The following GRIA1 variants were observed in gnomAD, a reference collection of about 807,000 sequenced individuals.
GRIA1 encodes glutamate ionotropic receptor AMPA type subunit 1.
A neutral mutation model predicts 99.2 loss-of-function variants in GRIA1; 31 were observed. The observed-to-expected ratio is 0.31, with a 90% CI of 0.23 to 0.42. The LOEUF (loss-of-function observed/expected upper bound fraction) is 0.42. GRIA1 is among the 10% of genes least tolerant of loss of function. The pLI is 1.00. For synonymous variants in GRIA1, 438 were observed against 432.4 expected, an observed-to-expected ratio of 1.01 and a Z score of -0.16; for missense variants, 782 against 1,157.5, an observed-to-expected ratio of 0.68 and a Z score of 4.71.
At chr5:153,713,352 A>G (rs141879835) in intron 11 of GRIA1, among the ~76,000 whole-genome samples, 38 of 152,356 alleles carry the variant, frequency 2.5e-4, no homozygotes, top group African/African-American at 9.1e-4. Context: ...GGACTGGCCC[A>G]GGTGAGGTGA....
chr5:153,639,343 C>G (rs1299383628), intron 2 of GRIA1, among the ~76,000 whole-genome samples: 2 of 152,208 alleles, frequency 1.3e-5, no homozygotes, highest in African/African-American at 2.4e-5. Context: ...ATCTCTTTCT[C>G]CTCACCTGCA....
At chr5:153,795,846 A>G (rs771834415) in intron 14 of GRIA1, among the ~76,000 whole-genome samples, 1 of 152,122 alleles carries the variant, frequency 6.6e-6, no homozygotes, top group Non-Finnish European at 1.5e-5. Flanking sequence ...GAAGCAAACC[A>G]GTGAGGAGTT....
chr5:153,705,699 A>AGT lies in GRIA1; in HGVS notation c.1456_1457insTG (p.Ala486ValfsTer9). 1 of 367,366 alleles carries AGT rather than the reference A, an allele frequency of 2.7e-6. No homozygotes were observed. 22.8% of individuals were successfully genotyped at this position (367,366 alleles called of 1,614,324 possible). On this transcript the variant is annotated frameshift_variant, in exon 11 of 16. Coordinates refer to ENST00000285900, the MANE Select transcript of GRIA1 (RefSeq NM_000827.4). LOFTEE classifies it high-confidence loss of function. ...TTTTTTTTTTTTTTTTTTTTCAGAG[A>AGT]GCAGATGTGGCTGTGGCTCCCTTAA...
At chr5:153,665,914 A>G (rs1172396932) in intron 5 of GRIA1, among the ~76,000 whole-genome samples, 2 of 152,206 alleles carry the variant, frequency 1.3e-5, no homozygotes, top group East Asian at 3.8e-4. Context: ...TTATAAGATC[A>G]TTGATGTAGC....
intron 2 of GRIA1, among the ~76,000 whole-genome samples, chr5:153,615,681 G>T (rs527960457): frequency 2.6e-5 from 4 of 152,046 alleles, no homozygotes; most frequent in Non-Finnish European, 5.9e-5. Context: ...AAAAGTAAAC[G>T]CCACCATCAC....
chr5:153,766,240 G>T (rs1033358067), intron 12 of GRIA1, among the ~76,000 whole-genome samples: 1 of 152,136 alleles, frequency 6.6e-6, no homozygotes, highest in African/African-American at 2.4e-5. Context: ...GGCATTACTT[G>T]CTTAAGCTCA....
chr5:153,784,538 A>C (rs1455556938), intron 13 of GRIA1, among the ~76,000 whole-genome samples: 1 of 152,214 alleles, frequency 6.6e-6, no homozygotes, highest in Non-Finnish European at 1.5e-5. Flanking sequence ...AGTATACTCA[A>C]GAGGGGAACA....
At chr5:153,566,947 C>T (rs2149358754) in intron 2 of GRIA1, among the ~76,000 whole-genome samples, 1 of 152,166 alleles carries the variant, frequency 6.6e-6, no homozygotes, top group Non-Finnish European at 1.5e-5. Context: ...AAACTCCTGA[C>T]CTCGGGTGAT....
intron 7 of GRIA1, among the ~76,000 whole-genome samples, chr5:153,683,525 T>A (rs533525735): frequency 6.6e-6 from 1 of 152,290 alleles, no homozygotes; most frequent in South Asian, 2.1e-4. Context: ...ATAAGCAGCT[T>A]CTTGTGAGAT....
chr5:153,490,742 T>TC lies in GRIA1; in HGVS notation c.-146dup. On this transcript the variant is annotated 5_prime_UTR_variant, in exon 1 of 16. Coordinates refer to ENST00000285900, the MANE Select transcript of GRIA1 (RefSeq NM_000827.4). Reference sequence around the variant, plus strand: ...GGATTCCAAGGGAAACAGACAAACCTCACGAAAGGAAGGAAGCAAGCAAGC... The same window carrying TC: ...GGATTCCAAGGGAAACAGACAAACCTCCACGAAAGGAAGGAAGCAAGCAAGC... 1.4e-6 allele frequency: 1 copy of TC among 728,862 alleles called. No homozygotes were observed. The highest frequency in any genetic ancestry group is 2.5e-6 in the Non-Finnish European group (1 of 398,546). 45.1% of individuals were successfully genotyped at this position (728,862 alleles called of 1,614,324 possible).
chr5:153,801,964 G>A (rs1231077008), intron 14 of GRIA1, among the ~76,000 whole-genome samples: 2 of 142,848 alleles, frequency 1.4e-5, no homozygotes, highest in East Asian at 2.3e-4. Context: ...GGGGGGGGCG[G>A]GGGGCAGGAA....
intron 2 of GRIA1, among the ~76,000 whole-genome samples, chr5:153,508,522 G>A (rs949759615): frequency 6.6e-6 from 1 of 152,072 alleles, no homozygotes; most frequent in Non-Finnish European, 1.5e-5. Flanking sequence ...AAGAAGGCCA[G>A]TGGAGCTAAA....
intron 2 of GRIA1, among the ~76,000 whole-genome samples, chr5:153,538,393 G>A (rs1424045028): frequency 1.3e-5 from 2 of 152,154 alleles, no homozygotes; most frequent in African/African-American, 2.4e-5. Context: ...AGGAAGCAAT[G>A]TGAAACAAAG....
chr5:153,561,704 TAA>T (rs1447316591), intron 2 of GRIA1, among the ~76,000 whole-genome samples: 2 of 152,216 alleles, frequency 1.3e-5, no homozygotes, highest in Non-Finnish European at 2.9e-5. Flanking sequence ...TAGCACATTA[TAA>T]GTCTCAGTAT....
At chr5:153,629,225 C>G (rs757152012) in intron 2 of GRIA1, among the ~76,000 whole-genome samples, 3 of 152,200 alleles carry the variant, frequency 2.0e-5, no homozygotes, top group African/African-American at 7.2e-5. Flanking sequence ...CTTCCCTCCC[C>G]CTTCCTCCCT....
At chr5:153,526,265 A>C (rs1164021564) in intron 2 of GRIA1, among the ~76,000 whole-genome samples, 1 of 152,228 alleles carries the variant, frequency 6.6e-6, no homozygotes, top group Non-Finnish European at 1.5e-5. Flanking sequence ...ACACAATCCC[A>C]GTCTATGAAT....
chr5:153,711,979 C>T (rs908289651), intron 11 of GRIA1, among the ~76,000 whole-genome samples: 3 of 152,124 alleles, frequency 2.0e-5, no homozygotes, highest in Admixed American at 1.3e-4. Flanking sequence ...AAGTCTAAGG[C>T]GGGGGGAGTG....
chr5:153,537,264 A>G lies in GRIA1; in HGVS notation c.220+43199A>G, dbSNP rs1758666489. On this transcript the variant is annotated intron_variant, in intron 2 of 15. Transcript: ENST00000285900. ...TAAGAGGATCATAAACGCACTTTGC[A>G]AAGCAAATGCCAGCTCTGGAATTCT... 2.0e-5 allele frequency among the ~76,000 whole-genome samples: 3 copies of G among 152,186 alleles called. No homozygotes were observed. In the South Asian group the frequency reaches 6.2e-4, roughly 32 times the overall value.
chr5:153,644,056 A>G (rs1394830001), intron 2 of GRIA1, among the ~76,000 whole-genome samples: 8 of 152,164 alleles, frequency 5.3e-5, no homozygotes, highest in African/African-American at 9.7e-5. Context: ...GCAAGGGGAG[A>G]GAAGAGATCC....
Sources: allele counts gnomAD v4.1 joint callset (sites outside exome capture counted in the v4.1 genomes callset), GRCh38; gene constraint gnomAD v4.1.1; transcripts MANE v1.5; gene names NCBI Gene and HGNC (gene_info 2026-07-23, HGNC 2026-07-21).